Variants in PPFIA2 observed in about 807,000 individuals in gnomAD.
The protein encoded by PPFIA2 is liprin-alpha-2.
A neutral mutation model predicts 175.5 loss-of-function variants in PPFIA2; 46 were observed. That is an observed-to-expected ratio of 0.26 (90% CI 0.21 to 0.34). The LOEUF (loss-of-function observed/expected upper bound fraction) is 0.34, where lower values mean the gene tolerates loss of function less well. PPFIA2 is among the 10% of genes least tolerant of loss of function. The pLI is 1.00. For missense variants in PPFIA2, 1,179 were observed against 1,506.1 expected (o/e 0.78, Z 3.60); for synonymous variants, 568 against 511.4 (o/e 1.11, Z -1.49).
At chr12:81,529,238 T>A (rs2064149204) in intron 4 of PPFIA2, among the ~76,000 whole-genome samples, 1 of 152,012 alleles carries the variant, frequency 6.6e-6, no homozygotes, top group South Asian at 2.1e-4. Flanking sequence ...TGTACTTTTC[T>A]GTGTTACATA....
At chr12:81,281,484 C>T in intron 26 of PPFIA2, 34 bp from the exon 27 acceptor site, 2 of 1,439,754 alleles carry the variant, frequency 1.4e-6, no homozygotes, top group Non-Finnish European at 9.6e-7. Flanking sequence ...AGTTTCTTAA[C>T]CAATCAGATA....
At chr12:81,529,516 G>C (rs2064189926) in intron 4 of PPFIA2, among the ~76,000 whole-genome samples, 1 of 150,966 alleles carries the variant, frequency 6.6e-6, no homozygotes, top group African/African-American at 2.4e-5. Context: ...TAGAGAGAGA[G>C]AGACACACAC....
chr12:81,501,093 G>C (rs1053110567), intron 4 of PPFIA2, among the ~76,000 whole-genome samples: 1 of 152,108 alleles, frequency 6.6e-6, no homozygotes, highest in Non-Finnish European at 1.5e-5. Context: ...CTCACTCACA[G>C]TAAAAGCCAA....
chr12:81,564,982 G>C (rs779450774), intron 4 of PPFIA2, among the ~76,000 whole-genome samples: 3 of 152,188 alleles, frequency 2.0e-5, no homozygotes, highest in Non-Finnish European at 4.4e-5. Flanking sequence ...TACTGTTAAA[G>C]TGAGGGCATT....
At chr12:81,735,450 T>C (rs1039099191) in intron 3 of PPFIA2, among the ~76,000 whole-genome samples, 1 of 151,808 alleles carries the variant, frequency 6.6e-6, no homozygotes, top group Non-Finnish European at 1.5e-5. Flanking sequence ...GTTTTCCTCT[T>C]CTTATTGACT....
chr12:81,752,841 T>C (rs1263875090), intron 3 of PPFIA2, among the ~76,000 whole-genome samples: 1 of 152,220 alleles, frequency 6.6e-6, no homozygotes, highest in East Asian at 1.9e-4. Context: ...CAACCTTGTA[T>C]TTAAAAGAAA....
chr12:81,649,658 G>A (rs1369404854), intron 4 of PPFIA2, among the ~76,000 whole-genome samples: 1 of 152,018 alleles, frequency 6.6e-6, no homozygotes, highest in East Asian at 1.9e-4. Context: ...CTATCAAATG[G>A]CAACTGGATA....
At chr12:81,450,737 C>T (rs1041897485) in intron 5 of PPFIA2, among the ~76,000 whole-genome samples, 1 of 152,032 alleles carries the variant, frequency 6.6e-6, no homozygotes, top group Non-Finnish European at 1.5e-5. Flanking sequence ...AATGGTATTG[C>T]CTAGGTTTTC....
intron 22 of PPFIA2, among the ~76,000 whole-genome samples, chr12:81,302,410 G>A (rs1055651531): frequency 6.6e-6 from 1 of 152,080 alleles, no homozygotes; most frequent in East Asian, 1.9e-4. Flanking sequence ...ACAATTGTTT[G>A]GGAAATTATT....
intron 4 of PPFIA2, among the ~76,000 whole-genome samples, chr12:81,519,185 A>G (rs968859307): frequency 2.0e-5 from 3 of 152,228 alleles, no homozygotes; most frequent in Non-Finnish European, 4.4e-5. Flanking sequence ...TTAAAAATAT[A>G]TGAGATAACT....
intron 4 of PPFIA2, among the ~76,000 whole-genome samples, chr12:81,653,771 G>A (rs372643387): frequency 1.3e-5 from 2 of 151,984 alleles, no homozygotes; most frequent in East Asian, 3.9e-4. Context: ...CTGATCTTCA[G>A]ATGGTCCATC....
intron 4 of PPFIA2, among the ~76,000 whole-genome samples, chr12:81,580,673 T>G (rs2074267073): frequency 6.6e-6 from 1 of 151,708 alleles, no homozygotes. Context: ...CATCAACAAC[T>G]ACACACATGC....
intron 4 of PPFIA2, among the ~76,000 whole-genome samples, chr12:81,596,415 A>C (rs2059249716): frequency 6.6e-6 from 1 of 152,102 alleles, no homozygotes; most frequent in African/African-American, 2.4e-5. Context: ...AATGTAGAAG[A>C]ACAGAGTTTA....
chr12:81,456,377 T>TATGC (rs900712134), intron 5 of PPFIA2, among the ~76,000 whole-genome samples: 1 of 152,158 alleles, frequency 6.6e-6, no homozygotes, highest in Admixed American at 6.5e-5. Context: ...CAATTCAATG[T>TATGC]ATGCATGTAT....
At chr12:81,622,436 C>G (rs887606743) in intron 4 of PPFIA2, among the ~76,000 whole-genome samples, 1 of 151,904 alleles carries the variant, frequency 6.6e-6, no homozygotes, top group African/African-American at 2.4e-5. Context: ...TTTTTTTCCT[C>G]AGCATAAGAA....
At chr12:81,669,168 C>A (rs1399298745) in intron 4 of PPFIA2, among the ~76,000 whole-genome samples, 2 of 151,932 alleles carry the variant, frequency 1.3e-5, no homozygotes, top group South Asian at 2.1e-4. Flanking sequence ...GGTCCTATTT[C>A]TTTCCCTACC....
chr12:81,450,566 A>G (rs1329926011), intron 5 of PPFIA2, among the ~76,000 whole-genome samples: 2 of 152,094 alleles, frequency 1.3e-5, no homozygotes, highest in Non-Finnish European at 2.9e-5. Context: ...TAGGTTGCAA[A>G]AATTTTCTCC....
chr12:81,468,214 T>C (rs2056081303), intron 4 of PPFIA2, among the ~76,000 whole-genome samples: 2 of 152,228 alleles, frequency 1.3e-5, no homozygotes, highest in African/African-American at 2.4e-5. Context: ...ATTAATGCTC[T>C]TGTCCTTAAT....
chr12:81,258,228 G>A lies in PPFIA2; in HGVS notation c.*1466C>T, dbSNP rs182674078. On this transcript the variant is annotated 3_prime_UTR_variant, in exon 33 of 33. Coordinates refer to ENST00000549396, the MANE Select transcript of PPFIA2 (RefSeq NM_003625.5). The stretch of plus-strand genomic sequence containing the variant: ...CCTGATAGTTTAAGTAAATTGTCGA[G>A]CCTTATGTGACTAGAAAACAAAGCT... 4 of 152,172 alleles carry A rather than the reference G, an allele frequency of 2.6e-5. No individual in the cohort carries two copies. The highest frequency in any genetic ancestry group is 9.6e-5 in the African/African-American group (4 of 41,526). The allele number at this position is 152,172 out of a possible 1,614,324, so 9.4% of individuals were successfully genotyped here.
Sources: gnomAD v4.1 joint callset for allele counts (sites outside exome capture counted in the v4.1 genomes callset) on GRCh38, gnomAD v4.1.1 for gene constraint, MANE v1.5 for transcripts, NCBI Gene and HGNC (gene_info 2026-07-23, HGNC 2026-07-21) for gene names.